Variants in KCNG4 observed in about 807,000 individuals in gnomAD.
KCNG4 encodes the protein potassium voltage-gated channel modifier subfamily G member 4.
Under a neutral mutation model 28.2 loss-of-function variants are expected in KCNG4, and 30 were observed. The observed-to-expected ratio is 1.06, with a 90% CI of 0.80 to 1.44. The LOEUF (loss-of-function observed/expected upper bound fraction) is 1.44, where lower values mean the gene tolerates loss of function less well. Ranked by LOEUF, KCNG4 falls within the 40% of genes most tolerant of loss-of-function variation. The pLI is 0.00. For missense variants in KCNG4, 879 were observed against 712.3 expected, an observed-to-expected ratio of 1.23 and a Z score of -2.66; for synonymous variants, 375 against 315.5, an observed-to-expected ratio of 1.19 and a Z score of -2.00.
rs1904555330 is a variant in KCNG4 at position 84,221,472 on chromosome 16, G to C, written c.*745C>G. ...GAGGGCCTGGCTGTGCTGGAAAGTG[G>C]AGTTTCTGCCCAGGTCCCAGGTCCC... On this transcript the variant is annotated 3_prime_UTR_variant, in exon 3 of 3. Coordinates refer to ENST00000308251, the MANE Select transcript of KCNG4 (RefSeq NM_172347.3). 1 of 144,638 alleles carries C rather than the reference G, an allele frequency of 6.9e-6. No individual in the cohort carries two copies. Among genetic ancestry groups the C allele is most frequent in the South Asian group, 2.2e-4 (1 of 4,526 alleles). The allele number at this position is 144,638 out of a possible 1,614,324, so 9.0% of individuals were successfully genotyped here.
At position 84,236,129 on chromosome 16, in the gene KCNG4, G is replaced by A. The variant is rs74485612; in HGVS notation, c.756+601C>T. On this transcript the variant is annotated intron_variant, in intron 2 of 2. Coordinates refer to ENST00000308251, the MANE Select transcript of KCNG4 (RefSeq NM_172347.3). ...TGAGCACTGCAGGGAAACTGAGGCC[G>A]GGGACCTTTGCATCATTGGCATCCT... 1,624 of 152,568 alleles carry A rather than the reference G, an allele frequency of 0.011. 103 individuals are homozygous for A. The East Asian group carries it at 0.2, about 19-fold the overall frequency. 9.5% of individuals were successfully genotyped at this position (152,568 alleles called of 1,614,324 possible).
intron 2 of KCNG4, among the ~76,000 whole-genome samples, chr16:84,227,402 C>A (rs13330007): frequency 0.25 from 38,242 of 151,928 alleles, 4,972 homozygotes; most frequent in East Asian, 0.42. Flanking sequence ...CATGGTAAAA[C>A]CCCATCTCTA....
At chr16:84,237,568 C>T (rs1905005398) in intron 1 of KCNG4, 43 bp from the exon 2 acceptor site, 1 of 1,374,908 alleles carries the variant, frequency 7.3e-7, no homozygotes, top group Non-Finnish European at 9.5e-7. Flanking sequence ...GAAGGGAAAT[C>T]AGTCTTGGGG....
At position 84,237,000 on chromosome 16, in the gene KCNG4, C is replaced by A; in HGVS notation, c.486G>T (p.Leu162=). ...CCTCCAGCTTCCTCAGCAGCTTCCGCAGGCAGCACCTCTCCAGGTGGGCCT... is the reference window on the plus strand; with the variant it reads ...CCTCCAGCTTCCTCAGCAGCTTCCGAAGGCAGCACCTCTCCAGGTGGGCCT... The part of the protein sequence containing the change: ...IEEAHLERCC[L]RKLLRKLEEL... The change falls in exon 2 of 3, where the codon CTG becomes CTT. Residue 162 remains leucine (L), a synonymous_variant. Transcript: ENST00000308251. 1 of 1,613,898 alleles carries A rather than the reference C, an allele frequency of 6.2e-7. No homozygotes were observed. The highest frequency in any genetic ancestry group is 8.5e-7 in the Non-Finnish European group (1 of 1,180,006).
rs549034208 is a variant in KCNG4 at position 84,226,873 on chromosome 16, C to T, written c.757-3853G>A. Reference sequence around the variant, plus strand: ...CAGCCTGGGCGATAGAGCGAGACTCCGTCTCAAAGACAAACATACACAAAA... The same window carrying T: ...CAGCCTGGGCGATAGAGCGAGACTCTGTCTCAAAGACAAACATACACAAAA... On this transcript the variant is annotated intron_variant, in intron 2 of 2. Transcript: ENST00000308251. This position sits in a 1 kb window ranked among gnomAD's most constrained non-coding sequence, Gnocchi z 4.1. Among the ~76,000 whole-genome samples the T allele has an allele frequency of 5.5e-4, 83 of 151,554 alleles. No homozygotes were observed. The highest frequency in any genetic ancestry group is 1.4e-3 in the Admixed American group (21 of 15,254).
chr16:84,224,281 G>A (rs1304336334), intron 2 of KCNG4, among the ~76,000 whole-genome samples: 1 of 152,078 alleles, frequency 6.6e-6, no homozygotes, highest in East Asian at 1.9e-4. Flanking sequence ...TGTTGCTTGG[G>A]CAGGGTCCTC....
Position 84,222,873 on chromosome 16 carries a change from C to A in KCNG4, c.904G>T (p.Ala302Ser). Residue 302 changes from alanine to serine, a missense_variant, in exon 3 of 3, where the codon GCC becomes TCC. Physicochemically the swap from Ala to Ser is moderately conservative, Grantham distance 99. Coordinates refer to ENST00000308251, the MANE Select transcript of KCNG4 (RefSeq NM_172347.3). ...AGCGACACGTAGTATGGGGAGATGG[C>A]CAGGATGTCGATGATGTTCAGGGGC... is the stretch of plus-strand genomic sequence containing the variant. ...QGPLNIIDILAISPYYVSLAV... is the reference protein window; with the variant it reads ...QGPLNIIDILSISPYYVSLAV... 6.2e-7 allele frequency: 1 copy of A among 1,612,220 alleles called. No homozygotes were observed.
chr16:84,225,572 A>G (rs1005148128), intron 2 of KCNG4, among the ~76,000 whole-genome samples: 1 of 152,336 alleles, frequency 6.6e-6, no homozygotes, highest in Non-Finnish European at 1.5e-5. Flanking sequence ...TCTGCCTACA[A>G]GGCCTCTCTC....
rs371168758 is a variant in KCNG4 at position 84,237,279 on chromosome 16, C to G, written c.207G>C (p.Arg69Ser). 2.5e-6 allele frequency: 4 copies of G among 1,607,676 alleles called. No homozygotes were observed. Among genetic ancestry groups the G allele is most frequent in the Non-Finnish European group, 3.4e-6 (4 of 1,176,066 alleles). ...CCAGTGTGCTCCAGGGGAGGAGATA[C>G]CTCCTGCCCCCCACGTTGATCAGGA... Reference protein sequence around the residue: ...KEILINVGGRRYLLPWSTLDR... With the variant: ...KEILINVGGRSYLLPWSTLDR... The change falls in exon 2 of 3, where the codon AGG (arginine) becomes AGC (serine). Residue 69 changes from arginine (R) to serine (S), a missense_variant. Transcript: ENST00000308251.
chr16:84,233,278 A>G (rs1904868566), intron 2 of KCNG4, among the ~76,000 whole-genome samples: 1 of 152,172 alleles, frequency 6.6e-6, no homozygotes, highest in South Asian at 2.1e-4. Context: ...TGAGGCCAAG[A>G]TTGAAACCCA....
intron 2 of KCNG4, among the ~76,000 whole-genome samples, chr16:84,235,070 C>A (rs1469037943): frequency 6.6e-6 from 1 of 152,194 alleles, no homozygotes; most frequent in Non-Finnish European, 1.5e-5. Flanking sequence ...GCCTGATCCT[C>A]GGCTGAAACT....
rs530267424 is a variant in KCNG4 at position 84,229,225 on chromosome 16, G to T, written c.757-6205C>A. On this transcript the variant is annotated intron_variant, in intron 2 of 2. Coordinates refer to ENST00000308251, the MANE Select transcript of KCNG4 (RefSeq NM_172347.3). ...AGGCATGAGAATCACTTGAACCCAG[G>T]AGGTTGGAGGAGAGCCGAGATTGTA... Among the ~76,000 whole-genome samples, 7 of 151,936 alleles carry T rather than the reference G, an allele frequency of 4.6e-5. No homozygotes were observed. The South Asian group carries it at 1.5e-3, about 32-fold the overall frequency.
At chr16:84,238,469 TG>T (rs1478245500) in intron 1 of KCNG4, among the ~76,000 whole-genome samples, 2 of 152,236 alleles carry the variant, frequency 1.3e-5, no homozygotes, top group African/African-American at 4.8e-5. Flanking sequence ...ATTGCGTACT[TG>T]CAATCACAGT....
intron 2 of KCNG4, among the ~76,000 whole-genome samples, chr16:84,229,778 C>T (rs568425505): frequency 6.6e-6 from 1 of 152,268 alleles, no homozygotes; most frequent in South Asian, 2.1e-4. Flanking sequence ...AAGGAGGCCC[C>T]AGGCCAGGAA....
At position 84,237,002 on chromosome 16, in the gene KCNG4, G is replaced by A. The variant is rs1326730544; in HGVS notation, c.484C>T (p.Leu162=). Residue 162 remains leucine (L), a synonymous_variant, in exon 2 of 3, where the codon CTG becomes TTG. Transcript: ENST00000308251. ...IEEAHLERCC[L]RKLLRKLEEL... ...TCCAGCTTCCTCAGCAGCTTCCGCA[G>A]GCAGCACCTCTCCAGGTGGGCCTCC... 5 of 1,613,882 alleles carry A rather than the reference G, an allele frequency of 3.1e-6. No homozygotes were observed. The highest frequency in any genetic ancestry group is 1.3e-5 in the African/African-American group (1 of 75,022).
intron 2 of KCNG4, 129 bp downstream of exon 2, chr16:84,236,601 C>G (rs1451599642): frequency 2.9e-6 from 3 of 1,017,798 alleles, no homozygotes; most frequent in Non-Finnish European, 1.4e-6. Flanking sequence ...GAATATAACC[C>G]ATGTTGGATA....
chr16:84,233,847 G>C (rs1418801108), intron 2 of KCNG4, among the ~76,000 whole-genome samples: 2 of 150,602 alleles, frequency 1.3e-5, no homozygotes, highest in Non-Finnish European at 3.0e-5. Flanking sequence ...TAGGGGGTCG[G>C]ATTTTAGAGC....
chr16:84,229,192 G>A (rs1904767222), intron 2 of KCNG4, among the ~76,000 whole-genome samples: 1 of 152,008 alleles, frequency 6.6e-6, no homozygotes, highest in Admixed American at 6.5e-5. Flanking sequence ...CCGTTACTCG[G>A]GAGGCTGAGG....
intron 2 of KCNG4, among the ~76,000 whole-genome samples, chr16:84,230,626 C>T (rs556928273): frequency 1.3e-5 from 2 of 152,248 alleles, no homozygotes; most frequent in Non-Finnish European, 2.9e-5. Flanking sequence ...TGCCCTCCAC[C>T]TTAGTAAGAC....
Sources: allele counts gnomAD v4.1 joint callset (sites outside exome capture counted in the v4.1 genomes callset), GRCh38; gene constraint gnomAD v4.1.1; non-coding constraint Gnocchi (gnomAD v3.1); transcripts MANE v1.5; gene names NCBI Gene and HGNC (gene_info 2026-07-23, HGNC 2026-07-21).